Variants in SUSD2 observed in about 807,000 individuals in gnomAD.
The protein encoded by SUSD2 is sushi domain-containing protein 2.
Under a neutral mutation model 93.8 loss-of-function variants are expected in SUSD2, and 86 were observed. The ratio of observed to expected loss-of-function variants is 0.92; its 90% CI spans 0.77 to 1.10. SUSD2 has a LOEUF of 1.10. Ranked by LOEUF, SUSD2 falls within the 50% of genes least tolerant of loss-of-function variation. The pLI, the probability that SUSD2 is intolerant of heterozygous loss-of-function variation, is 0.00. For missense variants in SUSD2, 1,060 were observed against 1,137.0 expected, an observed-to-expected ratio of 0.93 and a Z score of 0.97; for synonymous variants, 483 against 485.0, an observed-to-expected ratio of 1.00 and a Z score of 0.05.
In SUSD2 at chr22:24,181,587, C is replaced by G; in HGVS notation, c.68C>G (p.Pro23Arg). ...LATALGPGPGPTADAQESCSM... is the reference protein window; with the variant it reads ...LATALGPGPGRTADAQESCSM... ...ACAGCCCTCGGCCCGGGCCCCGGAC[C>G]CACAGCAGGTATGCCTCCCTGCCCT... The change falls in exon 1 of 15, where the codon CCC (proline) becomes CGC (arginine). Residue 23 changes from proline (P) to arginine (R), a missense_variant. By Grantham distance (103) the Pro-to-Arg change is moderately radical. Coordinates refer to ENST00000358321, the MANE Select transcript of SUSD2 (RefSeq NM_019601.4). 6.3e-7 allele frequency: 1 copy of G among 1,598,734 alleles called. No homozygotes were observed. Among genetic ancestry groups the G allele is most frequent in the Non-Finnish European group, 8.5e-7 (1 of 1,174,378 alleles).
In SUSD2 at chr22:24,187,329, CCA is replaced by C. The variant is rs1236682167; in HGVS notation, c.1774_1775del (p.Thr592ProfsTer76). On this transcript the variant is annotated frameshift_variant, in exon 11 of 15. Transcript: ENST00000358321. LOFTEE classifies it high-confidence loss of function. ...TCCTGCTGCCTGAGAAGTTCCTCAC[CCA>C]CACCCACGGCCTCCTCGGGACACTC... ...SVLLPEKFLT[H>X]THGLLGTLNN... 12 of 1,613,994 alleles carry C rather than the reference CCA, an allele frequency of 7.4e-6. No homozygotes were observed. Among genetic ancestry groups the C allele is most frequent in the Non-Finnish European group, 1.0e-5 (12 of 1,180,020 alleles).
Position 24,188,344 on chromosome 22 carries a change from C to T in SUSD2, c.2444+17C>T. On this transcript the variant is annotated intron_variant, in intron 14 of 14. Coordinates refer to ENST00000358321, the MANE Select transcript of SUSD2 (RefSeq NM_019601.4). The surrounding 1 kb of genome is among the most constrained non-coding windows in gnomAD (Gnocchi z 4.7). ...GGGCAACACGTGAGACCCCCCAGCC[C>T]CTCTCCCAAGACCCCGAGACAGCCG... 1 of 1,609,890 alleles carries T rather than the reference C, an allele frequency of 6.2e-7. No individual in the cohort carries two copies. The highest frequency in any genetic ancestry group is 1.3e-5 in the African/African-American group (1 of 75,010).
At chr22:24,186,916 G>C in intron 10 of SUSD2, 1 of 532,120 alleles carries the variant, frequency 1.9e-6, no homozygotes, top group Non-Finnish European at 3.4e-6. Flanking sequence ...GACGTGCCCA[G>C]GCAGGTGTGG....
At chr22:24,186,443 G>A (rs779195011) in intron 10 of SUSD2, 28 bp downstream of exon 10, 20 of 1,607,858 alleles carry the variant, frequency 1.2e-5, no homozygotes, top group Middle Eastern at 2.0e-4. Flanking sequence ...GCGAGGCTGC[G>A]GGCTGCCCTC....
At position 24,185,913 on chromosome 22, in the gene SUSD2, C is replaced by G. The variant is rs1446296496; in HGVS notation, c.1323C>G (p.Tyr441Ter). 1 of 1,570,824 alleles carries G rather than the reference C, an allele frequency of 6.4e-7. No homozygotes were observed. Among genetic ancestry groups the G allele is most frequent in the Admixed American group, 1.7e-5 (1 of 57,388 alleles). Residue 441 changes from tyrosine to a stop codon, truncating the protein, a stop_gained, in exon 8 of 15, where the codon TAC becomes TAG. Coordinates refer to ENST00000358321, the MANE Select transcript of SUSD2 (RefSeq NM_019601.4). LOFTEE classifies it high-confidence loss of function. ...QRRPSNDCRN[Y>*]RPPRLASAFG... ...GGCCCTCCAATGACTGCCGCAACTACCGGCCCCCAAGACTGGGTGGGTGCC... is the reference window on the plus strand; with the variant it reads ...GGCCCTCCAATGACTGCCGCAACTAGCGGCCCCCAAGACTGGGTGGGTGCC...
chr22:24,184,587 G>A (rs1470554743), intron 4 of SUSD2, among the ~76,000 whole-genome samples, 179 bp from the exon 5 acceptor site: 1 of 152,076 alleles, frequency 6.6e-6, no homozygotes, highest in Non-Finnish European at 1.5e-5. Context: ...GCAGGGACAG[G>A]GATCCTGGAG....
rs2047367847 is a variant in SUSD2 at position 24,186,558 on chromosome 22, C to T, written c.1642+143C>T. ...GGTGGTCCGACCTCAGGCCTTCACA[C>T]CCACCGAGGTGCCCCCGTCGTACCC... On this transcript the variant is annotated intron_variant, in intron 10 of 14. Transcript: ENST00000358321. The T allele has an allele frequency of 7.0e-6, 7 of 996,566 alleles. No individual in the cohort carries two copies. In the East Asian group the frequency reaches 1.8e-4, roughly 26 times the overall value. The allele number at this position is 996,566 out of a possible 1,614,324, so 61.7% of individuals were successfully genotyped here.
rs376925507 is a variant in SUSD2, at chr22:24,183,219, T to C, written c.239T>C (p.Val80Ala). 39 of 1,613,742 alleles carry C rather than the reference T, an allele frequency of 2.4e-5. No individual in the cohort carries two copies. Among genetic ancestry groups the C allele is most frequent in the Non-Finnish European group, 3.1e-5 (37 of 1,179,858 alleles). The stretch of plus-strand genomic sequence containing the variant: ...ATGATGGGCGGCAAGGACTTTGTGG[T>C]GCGGCACTTCAAGATGTCCAGCCCC... Reference protein sequence around the residue: ...GSMMGGKDFVVRHFKMSSPTD... With the variant: ...GSMMGGKDFVARHFKMSSPTD... The change falls in exon 2 of 15, where the codon GTG becomes GCG. Residue 80 changes from valine to alanine, a missense_variant. By Grantham distance (64) the Val-to-Ala change is moderately conservative. Transcript: ENST00000358321.
Position 24,185,862 on chromosome 22 carries a change from C to A in SUSD2, c.1272C>A (p.Pro424=). 1.3e-6 allele frequency: 2 copies of A among 1,597,002 alleles called. No individual in the cohort carries two copies. Among genetic ancestry groups the A allele is most frequent in the East Asian group, 2.3e-5 (1 of 43,806 alleles). The change falls in exon 8 of 15, where the codon CCC becomes CCA. Residue 424 remains proline (P), a synonymous_variant. Transcript: ENST00000358321. ...TCTATTACTGCTGCCTCTGGGCACCCGACTGCCCCCGCTACATGCAACGGC... is the reference window on the plus strand; with the variant it reads ...TCTATTACTGCTGCCTCTGGGCACCAGACTGCCCCCGCTACATGCAACGGC... ...LSFYYCCLWA[P]DCPRYMQRRP...
intron 10 of SUSD2, 106 bp from the exon 11 acceptor site, chr22:24,187,096 G>T: frequency 6.9e-7 from 1 of 1,459,596 alleles, no homozygotes; most frequent in Non-Finnish European, 9.2e-7. Flanking sequence ...TCCCCTGCAG[G>T]TGCCCTCACC....
In SUSD2 at chr22:24,186,104, A is replaced by C. The variant is rs773537045; in HGVS notation, c.1428A>C (p.Ala476=). 1 of 1,612,550 alleles carries C rather than the reference A, an allele frequency of 6.2e-7. No homozygotes were observed. Among genetic ancestry groups the C allele is most frequent in the South Asian group, 1.1e-5 (1 of 91,042 alleles). The part of the protein sequence containing the change: ...NGRGEYVLLE[A]ALTDLRVQAR... ...GCGGAGAGTACGTGCTGCTGGAGGC[A>C]GCGCTGACCGACCTGAGGGTGCAGG... The change falls in exon 9 of 15, where the codon GCA becomes GCC. Residue 476 remains alanine, a synonymous_variant. Coordinates refer to ENST00000358321, the MANE Select transcript of SUSD2 (RefSeq NM_019601.4).
At position 24,183,525 on chromosome 22, in the gene SUSD2, T is replaced by A; in HGVS notation, c.318T>A (p.His106Gln). ...RFKDSIQTLG[H>Q]VDSSGQVHCV... Reference sequence around the variant, plus strand: ...AGGACAGCATCCAGACCCTCGGCCATGTGGACTCCTCCGGGCAAGTGCACT... The same window carrying A: ...AGGACAGCATCCAGACCCTCGGCCAAGTGGACTCCTCCGGGCAAGTGCACT... The change falls in exon 3 of 15, where the codon CAT becomes CAA. Residue 106 changes from histidine (H) to glutamine (Q), a missense_variant. By Grantham distance (24) the His-to-Gln change is conservative. Around this residue, in one of 2 missense-constraint regions of SUSD2, gnomAD observed 973 missense variants for 1,005.3 expected, o/e 0.97. Coordinates refer to ENST00000358321, the MANE Select transcript of SUSD2 (RefSeq NM_019601.4). 6.2e-7 allele frequency: 1 copy of A among 1,613,074 alleles called. No individual in the cohort carries two copies. The highest frequency in any genetic ancestry group is 8.5e-7 in the Non-Finnish European group (1 of 1,179,946).
rs775599270 is a variant in SUSD2 at position 24,188,270 on chromosome 22, C to T, written c.2387C>T (p.Ala796Val). 7.5e-6 allele frequency: 12 copies of T among 1,604,840 alleles called. No homozygotes were observed. Among genetic ancestry groups the T allele is most frequent in the South Asian group, 3.3e-5 (3 of 90,452 alleles). Reference sequence around the variant, plus strand: ...TTGGGCATCATCTTTGGGGGCCTCGCGGTGGTGGCGGCGGTTGCGCTCGTC... The same window carrying T: ...TTGGGCATCATCTTTGGGGGCCTCGTGGTGGTGGCGGCGGTTGCGCTCGTC... ...VLLGIIFGGLAVVAAVALVYV... is the reference protein window; with the variant it reads ...VLLGIIFGGLVVVAAVALVYV... Residue 796 changes from alanine to valine, a missense_variant, in exon 14 of 15, where the codon GCG (alanine) becomes GTG (valine). By Grantham distance (64) the Ala-to-Val change is moderately conservative. Around this residue, in one of 2 missense-constraint regions of SUSD2, gnomAD observed 973 missense variants for 1,005.3 expected, o/e 0.97. Coordinates refer to ENST00000358321, the MANE Select transcript of SUSD2 (RefSeq NM_019601.4). The surrounding 1 kb of genome is among the most constrained non-coding windows in gnomAD (Gnocchi z 4.7).
intron 10 of SUSD2, chr22:24,186,771 G>A (rs2070469): frequency 0.086 from 34,730 of 401,644 alleles, 2,159 homozygotes; most frequent in East Asian, 0.32. Context: ...GCACGGTTAA[G>A]GATGCCCCTG....
rs1219151513 is a variant in SUSD2 at position 24,187,647 on chromosome 22, G to A, written c.1968G>A (p.Lys656=). ...TCCACAACTTCCTGTACCAACCCAA[G>A]CACGACCCCACCTTCGAGCCCCTCT... ...FLVHNFLYQP[K]HDPTFEPLFP... The change falls in exon 12 of 15, where the codon AAG becomes AAA. Residue 656 remains lysine, a synonymous_variant. Transcript: ENST00000358321. 1.2e-6 allele frequency: 2 copies of A among 1,613,792 alleles called. No individual in the cohort carries two copies. Among genetic ancestry groups the A allele is most frequent in the Non-Finnish European group, 1.7e-6 (2 of 1,179,934 alleles).
In SUSD2 at chr22:24,185,081, A is replaced by G. The variant is rs564609600; in HGVS notation, c.783-13A>G. The G allele has an allele frequency of 2.5e-6, 4 of 1,612,894 alleles. No individual in the cohort carries two copies. Among genetic ancestry groups the G allele is most frequent in the East Asian group, 4.5e-5 (2 of 44,838 alleles). On this transcript the variant is annotated splice_polypyrimidine_tract_variant and intron_variant, in intron 5 of 14. Transcript: ENST00000358321. The stretch of plus-strand genomic sequence containing the variant: ...TGTGGGCTGGCCCAGCTCCAGCATC[A>G]TCACCTCCACAGGGACGTGCAGGCG...
rs753332273 is a variant in SUSD2, at chr22:24,188,360, G to A, written c.2444+33G>A. On this transcript the variant is annotated intron_variant, in intron 14 of 14. Coordinates refer to ENST00000358321, the MANE Select transcript of SUSD2 (RefSeq NM_019601.4). This position sits in a 1 kb window ranked among gnomAD's most constrained non-coding sequence, Gnocchi z 4.7. ...CCCCCAGCCCCTCTCCCAAGACCCC[G>A]AGACAGCCGGTGGGACCACCGAGGC... 17 of 1,610,310 alleles carry A rather than the reference G, an allele frequency of 1.1e-5. No homozygotes were observed. Among genetic ancestry groups the A allele is most frequent in the African/African-American group, 1.3e-5 (1 of 74,884 alleles).
In SUSD2 at chr22:24,187,371, C is replaced by G. The variant is rs768137061; in HGVS notation, c.1812C>G (p.Thr604=). 1 of 1,614,038 alleles carries G rather than the reference C, an allele frequency of 6.2e-7. No homozygotes were observed. Among genetic ancestry groups the G allele is most frequent in the Non-Finnish European group, 8.5e-7 (1 of 1,180,022 alleles). ...GLLGTLNNDP[T]DDFTLHSGRV... Reference sequence around the variant, plus strand: ...TCGGGACACTCAACAACGACCCCACCGACGACTTCACCCTGCACAGCGGGC... The same window carrying G: ...TCGGGACACTCAACAACGACCCCACGGACGACTTCACCCTGCACAGCGGGC... Residue 604 remains threonine, a synonymous_variant, in exon 11 of 15, where the codon ACC becomes ACG. Transcript: ENST00000358321.
rs1370020655 is a variant in SUSD2, at chr22:24,188,017, C to T, written c.2223C>T (p.Tyr741=). The T allele has an allele frequency of 3.1e-6, 5 of 1,613,084 alleles. No individual in the cohort carries two copies. Among genetic ancestry groups the T allele is most frequent in the Non-Finnish European group, 4.2e-6 (5 of 1,180,016 alleles). Residue 741 remains tyrosine (Y), a synonymous_variant, in exon 13 of 15, where the codon TAC becomes TAT. Transcript: ENST00000358321. The surrounding 1 kb of genome is among the most constrained non-coding windows in gnomAD (Gnocchi z 4.7). ...ACGGACAAAAGGAGGGCAACAGGTA[C>T]CTGGCGGGTTCCACCATCTACTTCC... The part of the protein sequence containing the change: ...PPNGQKEGNR[Y]LAGSTIYFHC...
Sources: allele counts gnomAD v4.1 joint callset (sites outside exome capture counted in the v4.1 genomes callset), GRCh38; gene constraint gnomAD v4.1.1; regional missense constraint gnomAD v4.1.1; non-coding constraint Gnocchi (gnomAD v3.1); transcripts MANE v1.5; gene names NCBI Gene and HGNC (gene_info 2026-07-23, HGNC 2026-07-21).